The following AKR1D1 variants were observed in gnomAD, a reference collection of about 807,000 sequenced individuals.
The protein encoded by AKR1D1 is delta(4)-3-ketosteroid 5-beta-reductase.
Under a neutral mutation model 42.6 loss-of-function variants are expected in AKR1D1, and 32 were observed. The observed-to-expected ratio is 0.75, with a 90% CI of 0.57 to 1.01. AKR1D1 has a LOEUF of 1.01. Among genes scored for constraint, AKR1D1 ranks in the 50% least tolerant of loss-of-function variants. The pLI is 0.00. For missense variants in AKR1D1, 364 were observed against 402.2 expected, an observed-to-expected ratio of 0.91 and a Z score of 0.81; for synonymous variants, 123 against 135.5, an observed-to-expected ratio of 0.91 and a Z score of 0.64.
Position 138,117,108 on chromosome 7 carries a change from GATA to G in AKR1D1, c.*448_*450del. 7 of 159,718 alleles carry G rather than the reference GATA, an allele frequency of 4.4e-5. No individual in the cohort carries two copies. Among genetic ancestry groups the G allele is most frequent in the South Asian group, 1.9e-4 (1 of 5,366 alleles). 9.9% of individuals were successfully genotyped at this position (159,718 alleles called of 1,614,324 possible). A position where few individuals can be genotyped will look rare whatever the true frequency, so the allele number is the denominator to read the frequency against. On this transcript the variant is annotated 3_prime_UTR_variant, in exon 9 of 9. Transcript: ENST00000242375. ...TTGGTTACAAAACAGACACAGCCAAGATAAGATCCACACACACATTATTAACAA... is the reference window on the plus strand; with the variant it reads ...TTGGTTACAAAACAGACACAGCCAAGAGATCCACACACACATTATTAACAA...
rs1224075273 is a variant in AKR1D1 at position 138,076,611 on chromosome 7, G to A, written c.93G>A (p.Ser31=). The change falls in exon 1 of 9, where the codon TCG becomes TCA. Residue 31 remains serine (S), a splice_region_variant and synonymous_variant. Transcript: ENST00000242375. ...TTGGTACCTACTCAGAACCTAAATC[G>A]GTAAGCTTATTTTTTCTCTCTTTGC... ...IGLGTYSEPK[S]TPKGACATSV... 2.5e-6 allele frequency: 4 copies of A among 1,608,658 alleles called. No homozygotes were observed. The highest frequency in any genetic ancestry group is 3.3e-5 in the Admixed American group (2 of 59,902).
At chr7:138,114,347 C>G (rs1794592098) in intron 8 of AKR1D1, among the ~76,000 whole-genome samples, 1 of 152,122 alleles carries the variant, frequency 6.6e-6, no homozygotes, top group Non-Finnish European at 1.5e-5. Context: ...GCTCTTTATT[C>G]TCTAAATATT....
chr7:138,098,134 T>C (rs1170168906), intron 4 of AKR1D1, 191 bp downstream of exon 4: 3 of 548,312 alleles, frequency 5.5e-6, no homozygotes, highest in Non-Finnish European at 9.6e-6. Context: ...ATTCTTACTT[T>C]TGTTTTGCTG....
At chr7:138,103,525 T>C (rs1794357334) in intron 4 of AKR1D1, among the ~76,000 whole-genome samples, 1 of 152,036 alleles carries the variant, frequency 6.6e-6, no homozygotes, top group African/African-American at 2.4e-5. Context: ...CAAATATATG[T>C]ATGGTTGCAA....
intron 1 of AKR1D1, among the ~76,000 whole-genome samples, chr7:138,084,555 T>C (rs915241552): frequency 3.3e-5 from 5 of 152,136 alleles, no homozygotes; most frequent in Non-Finnish European, 7.4e-5. Flanking sequence ...TAGAAGGAGA[T>C]GCTGTCAGCC....
intron 3 of AKR1D1, among the ~76,000 whole-genome samples, chr7:138,094,799 C>T (rs773672202): frequency 3.9e-5 from 6 of 152,214 alleles, no homozygotes; most frequent in Non-Finnish European, 5.9e-5. Context: ...GGATTACAGG[C>T]ATGAGCCACC....
intron 2 of AKR1D1, among the ~76,000 whole-genome samples, chr7:138,089,087 C>A (rs1024820890): frequency 1.3e-5 from 2 of 152,078 alleles, no homozygotes; most frequent in Non-Finnish European, 2.9e-5. Context: ...CGGTGTCTCA[C>A]GCCTCTAATC....
chr7:138,078,963 G>A (rs1802997544), intron 1 of AKR1D1, among the ~76,000 whole-genome samples: 1 of 152,096 alleles, frequency 6.6e-6, no homozygotes. Context: ...CATTTCTCAG[G>A]AATGTGCCAT....
chr7:138,098,092 T>C (rs1409455259), intron 4 of AKR1D1, 149 bp downstream of exon 4: 2 of 683,722 alleles, frequency 2.9e-6, no homozygotes, highest in East Asian at 2.7e-5. Context: ...TAAGTACAGG[T>C]ATATGAAATC....
intron 1 of AKR1D1, among the ~76,000 whole-genome samples, chr7:138,078,858 A>G (rs919366609): frequency 2.0e-5 from 3 of 152,220 alleles, no homozygotes; most frequent in African/African-American, 4.8e-5. Flanking sequence ...GGAGAAGTGT[A>G]GTCCAAGCTC....
chr7:138,105,297 T>C lies in AKR1D1; in HGVS notation c.457-10T>C. ...GCTTGTTTGTTGACCTGTGGACATT[T>C]ACTCTACAGGCGATGGAAGCTTGCA... On this transcript the variant is annotated splice_polypyrimidine_tract_variant and intron_variant, in intron 4 of 8. Coordinates refer to ENST00000242375, the MANE Select transcript of AKR1D1 (RefSeq NM_005989.4). 1 of 1,614,152 alleles carries C rather than the reference T, an allele frequency of 6.2e-7. No individual in the cohort carries two copies. Among genetic ancestry groups the C allele is most frequent in the Non-Finnish European group, 8.5e-7 (1 of 1,180,010 alleles).
chr7:138,089,572 A>C (rs1794020938), intron 2 of AKR1D1, among the ~76,000 whole-genome samples: 1 of 152,190 alleles, frequency 6.6e-6, no homozygotes, highest in African/African-American at 2.4e-5. Context: ...GATAGAGGCT[A>C]AAGTTAGCAT....
At chr7:138,091,679 G>T (rs1794081331) in intron 2 of AKR1D1, 89 bp from the exon 3 acceptor site, 9 of 961,842 alleles carry the variant, frequency 9.4e-6, no homozygotes, top group Admixed American at 9.1e-5. Context: ...AAAAAAAAAT[G>T]TGTACGAGTG....
intron 5 of AKR1D1, among the ~76,000 whole-genome samples, chr7:138,106,347 T>C (rs953091045): frequency 6.6e-6 from 1 of 152,126 alleles, no homozygotes; most frequent in African/African-American, 2.4e-5. Context: ...AACAACATAA[T>C]ACAAAAAATT....
At chr7:138,079,758 G>A (rs993678599) in intron 1 of AKR1D1, among the ~76,000 whole-genome samples, 2 of 152,194 alleles carry the variant, frequency 1.3e-5, no homozygotes, top group African/African-American at 4.8e-5. Context: ...ACGTTGTAGT[G>A]GATCTTATAT....
At chr7:138,102,661 A>C (rs1326384252) in intron 4 of AKR1D1, among the ~76,000 whole-genome samples, 2 of 152,242 alleles carry the variant, frequency 1.3e-5, no homozygotes, top group African/African-American at 4.8e-5. Context: ...ATAAAGAGGA[A>C]CATATAGATC....
chr7:138,076,755 G>C, intron 1 of AKR1D1, 144 bp downstream of exon 1: 1 of 723,444 alleles, frequency 1.4e-6, no homozygotes. Context: ...ATAATGAAAG[G>C]ACTACTATTT....
At chr7:138,096,484 T>C (rs1794185970) in intron 3 of AKR1D1, among the ~76,000 whole-genome samples, 1 of 152,156 alleles carries the variant, frequency 6.6e-6, no homozygotes, top group Non-Finnish European at 1.5e-5. Flanking sequence ...AATCCACGAC[T>C]GAACAACTCC....
intron 3 of AKR1D1, 67 bp from the exon 4 acceptor site, chr7:138,097,799 A>C: frequency 4.0e-6 from 5 of 1,259,514 alleles, no homozygotes; most frequent in Non-Finnish European, 5.6e-6. Context: ...GGAAGTCTAA[A>C]TTCTATTATT....
Sources: gnomAD v4.1 joint callset for allele counts (sites outside exome capture counted in the v4.1 genomes callset) on GRCh38, gnomAD v4.1.1 for gene constraint, MANE v1.5 for transcripts, NCBI Gene and HGNC (gene_info 2026-07-23, HGNC 2026-07-21) for gene names.